FANCC: variants seen among roughly 807,000 people sequenced by gnomAD.
FANCC encodes the protein Fanconi anemia group C protein.
A neutral mutation model predicts 71.3 loss-of-function variants in FANCC; 55 were observed. The ratio of observed to expected loss-of-function variants is 0.77; its 90% confidence interval spans 0.62 to 0.97. The LOEUF is 0.97. Ranked by LOEUF, FANCC falls within the 50% of genes least tolerant of loss-of-function variation. The pLI, the probability that FANCC is intolerant of heterozygous loss-of-function variation, is 0.00. For missense variants in FANCC, 678 were observed against 670.9 expected (o/e 1.01, Z -0.12); for synonymous variants, 275 against 244.9 (o/e 1.12, Z -1.15).
intron 1 of FANCC, among the ~76,000 whole-genome samples, chr9:95,282,863 T>A (rs530610276): frequency 3.3e-5 from 5 of 152,142 alleles, no homozygotes; most frequent in African/African-American, 1.2e-4. Flanking sequence ...AAGAGAAATT[T>A]AAAAATATCC....
rs985423970 is a variant in FANCC at position 95,218,088 on chromosome 9, C to G, written c.345+22561G>C. 3.9e-5 allele frequency among the ~76,000 whole-genome samples: 6 copies of G among 152,244 alleles called. No homozygotes were observed. The South Asian group carries it at 6.2e-4, about 16-fold the overall frequency. ...AACTACCTATTTTAAAAATAAGGAA[C>G]CTGCAATTTAAAAACTTCCCCCAAA... On this transcript the variant is annotated intron_variant, in intron 4 of 14. Transcript: ENST00000289081.
At chr9:95,111,188 A>G (rs2071888009) in intron 13 of FANCC, 2 of 1,536,132 alleles carry the variant, frequency 1.3e-6, no homozygotes, top group African/African-American at 1.4e-5. Context: ...CAGCTGAGCA[A>G]TAACAGATCA....
intron 4 of FANCC, among the ~76,000 whole-genome samples, chr9:95,176,622 A>C (rs901015178): frequency 2.0e-5 from 3 of 152,268 alleles, no homozygotes; most frequent in African/African-American, 7.2e-5. Flanking sequence ...CATCTCACTG[A>C]AAATCCCAGG....
chr9:95,292,999 AC>A, intron 1 of FANCC: 1 of 1,579,640 alleles, frequency 6.3e-7, no homozygotes, highest in Non-Finnish European at 8.7e-7. Context: ...GAACACAGGG[AC>A]CCACCTAGTA....
chr9:95,144,130 G>A (rs985302250), intron 7 of FANCC, among the ~76,000 whole-genome samples: 32 of 152,174 alleles, frequency 2.1e-4, no homozygotes, highest in Non-Finnish European at 3.2e-4. Flanking sequence ...CAGCACATCT[G>A]GGGAGGGGGG....
chr9:95,278,537 T>C (rs1372610634), intron 1 of FANCC, among the ~76,000 whole-genome samples: 1 of 152,198 alleles, frequency 6.6e-6, no homozygotes, highest in African/African-American at 2.4e-5. Context: ...AGTATGCTTT[T>C]CTCACAATGC....
intron 6 of FANCC, among the ~76,000 whole-genome samples, chr9:95,168,042 G>A (rs991154970): frequency 4.6e-5 from 7 of 152,154 alleles, no homozygotes; most frequent in African/African-American, 9.7e-5. Context: ...ATCTTCTCTG[G>A]GCTTATGCGT....
chr9:95,131,162 C>T (rs895133389), intron 8 of FANCC, among the ~76,000 whole-genome samples: 5 of 152,202 alleles, frequency 3.3e-5, no homozygotes. Context: ...CATTCCTGGG[C>T]TTAAGAACTT....
chr9:95,283,692 A>G (rs1043697655), intron 1 of FANCC, among the ~76,000 whole-genome samples: 12 of 152,272 alleles, frequency 7.9e-5, no homozygotes, highest in Non-Finnish European at 1.8e-4. Flanking sequence ...TTACAAAAAA[A>G]TAAAAATTTA....
intron 10 of FANCC, chr9:95,123,526 G>GA: frequency 4.0e-6 from 2 of 504,962 alleles, no homozygotes; most frequent in South Asian, 1.4e-5. Context: ...CCAATATGAT[G>GA]AAAAAAAGAA....
At chr9:95,301,974 C>G (rs968767967) in intron 1 of FANCC, among the ~76,000 whole-genome samples, 1 of 145,246 alleles carries the variant, frequency 6.9e-6, no homozygotes, top group African/African-American at 2.5e-5. Flanking sequence ...CCCAGCTACT[C>G]GGGAGGCTGA....
Position 95,191,279 on chromosome 9 carries a change from GGCCCAGCCCAGCCCA to G in FANCC, c.346-19147_346-19133del, listed in dbSNP as rs546493500. Among the ~76,000 whole-genome samples, 431 of 150,194 alleles carry G rather than the reference GGCCCAGCCCAGCCCA, an allele frequency of 2.9e-3. 3 individuals carry two copies. Among genetic ancestry groups the G allele is most frequent in the African/African-American group, 0.01 (410 of 40,780 alleles). The stretch of plus-strand genomic sequence containing the variant: ...CCAGGGTGGGGTTCAAACCTCACAA[GGCCCAGCCCAGCCCA>G]GCCCAGCCCAGCCCCAGTCACCATC... On this transcript the variant is annotated intron_variant, in intron 4 of 14. Transcript: ENST00000289081.
intron 4 of FANCC, among the ~76,000 whole-genome samples, chr9:95,231,419 A>G (rs1830002084): frequency 6.6e-6 from 1 of 151,978 alleles, no homozygotes; most frequent in Admixed American, 6.6e-5. Flanking sequence ...GAAGTTCACA[A>G]CATTTGCAGC....
intron 4 of FANCC, among the ~76,000 whole-genome samples, chr9:95,213,001 G>C (rs1588290442): frequency 6.6e-6 from 1 of 152,184 alleles, no homozygotes; most frequent in East Asian, 1.9e-4. Context: ...AATGTGGCTT[G>C]TCTGAACTGA....
chr9:95,288,716 G>A (rs74521003), intron 1 of FANCC, among the ~76,000 whole-genome samples: 81 of 150,596 alleles, frequency 5.4e-4, no homozygotes, highest in Non-Finnish European at 9.4e-4. Context: ...GCTTCTATTT[G>A]ATCACACATA....
intron 1 of FANCC, among the ~76,000 whole-genome samples, chr9:95,271,715 C>G (rs1325463503): frequency 6.6e-6 from 1 of 151,912 alleles, no homozygotes; most frequent in Non-Finnish European, 1.5e-5. Flanking sequence ...AAAGTTACAT[C>G]TTGCTTTTTT....
At chr9:95,247,796 T>C (rs1202414859) in intron 2 of FANCC, among the ~76,000 whole-genome samples, 1 of 152,238 alleles carries the variant, frequency 6.6e-6, no homozygotes, top group Non-Finnish European at 1.5e-5. Context: ...TCATACTTAA[T>C]AGTCAGTAAA....
At chr9:95,287,938 C>T (rs1311121255) in intron 1 of FANCC, among the ~76,000 whole-genome samples, 2 of 151,794 alleles carry the variant, frequency 1.3e-5, no homozygotes, top group African/African-American at 4.8e-5. Context: ...TTTTTTTTAC[C>T]ACTGCCATAT....
chr9:95,301,135 G>A (rs1834699983), intron 1 of FANCC, among the ~76,000 whole-genome samples: 1 of 150,698 alleles, frequency 6.6e-6, no homozygotes, highest in Non-Finnish European at 1.5e-5. Context: ...AGGCTAAAAT[G>A]ATGAAAAGTG....
Sources: gnomAD v4.1 joint callset for allele counts (sites outside exome capture counted in the v4.1 genomes callset) on GRCh38, gnomAD v4.1.1 for gene constraint, MANE v1.5 for transcripts, NCBI Gene and HGNC (gene_info 2026-07-23, HGNC 2026-07-21) for gene names.